The following IL6R variants were observed in gnomAD, a reference collection of about 807,000 sequenced individuals.
IL6R encodes the protein interleukin 6 receptor, also known as interleukin-6 receptor subunit alpha.
IL6R carries 38 observed loss-of-function variants against 48.3 expected under a neutral mutation model. The observed-to-expected ratio is 0.79, with a 90% CI of 0.61 to 1.03. The LOEUF (loss-of-function observed/expected upper bound fraction) is 1.03. IL6R is among the 50% of genes least tolerant of loss of function. The pLI, the probability that IL6R is intolerant of heterozygous loss-of-function variation, is 0.00. For synonymous variants in IL6R, 264 were observed against 256.2 expected, an observed-to-expected ratio of 1.03 and a Z score of -0.29; for missense variants, 534 against 618.3, an observed-to-expected ratio of 0.86 and a Z score of 1.45.
chr1:154,449,727 T>TG (rs1269175277), intron 7 of IL6R, among the ~76,000 whole-genome samples, 184 bp from the exon 8 acceptor site: 1 of 152,168 alleles, frequency 6.6e-6, no homozygotes, highest in African/African-American at 2.4e-5. Context: ...TTAGCAGGCA[T>TG]GGTGTGGATA....
intron 1 of IL6R, among the ~76,000 whole-genome samples, chr1:154,427,255 G>A (rs1689027872): frequency 6.6e-6 from 1 of 152,194 alleles, no homozygotes; most frequent in African/African-American, 2.4e-5. Flanking sequence ...TGTGTGCTGT[G>A]TCCTGGCCTT....
chr1:154,464,444 T>C (rs4291493), intron 9 of IL6R, among the ~76,000 whole-genome samples: 102,133 of 151,990 alleles, frequency 0.67, 35,800 homozygotes, highest in East Asian at 0.83. Flanking sequence ...CGTGAGCCAC[T>C]GCGCCCAGCC....
intron 6 of IL6R, among the ~76,000 whole-genome samples, chr1:154,446,670 T>TGAG (rs1690248122): frequency 6.6e-6 from 1 of 152,150 alleles, no homozygotes; most frequent in Non-Finnish European, 1.5e-5. Context: ...GAGGGAGCCG[T>TGAG]GAGGGTGCCT....
chr1:154,463,034 C>T (rs1042271907), intron 9 of IL6R, among the ~76,000 whole-genome samples: 3 of 151,672 alleles, frequency 2.0e-5, no homozygotes, highest in Admixed American at 6.6e-5. Context: ...GAACTCCTGA[C>T]CTCAAGTAAT....
chr1:154,449,863 T>C (rs1690482814), intron 7 of IL6R, 48 bp from the exon 8 acceptor site: 7 of 1,224,822 alleles, frequency 5.7e-6, no homozygotes, highest in Non-Finnish European at 8.5e-6. Context: ...TTCTGAATGA[T>C]GGTGCAATCT....
At chr1:154,444,908 CA>C in intron 6 of IL6R, 2 of 377,820 alleles carry the variant, frequency 5.3e-6, no homozygotes, top group Non-Finnish European at 1.1e-5. Flanking sequence ...GTCTTAACAA[CA>C]AAAAGACTCC....
At position 154,414,622 on chromosome 1, in the gene IL6R, T is replaced by A. The variant is rs182534437; in HGVS notation, c.85+8908T>A. 2.7e-3 allele frequency: 2,181 copies of A among 797,716 alleles called. 25 individuals carry two copies. The highest frequency in any genetic ancestry group is 0.015 in the South Asian group (1,079 of 70,188). 49.4% of individuals were successfully genotyped at this position (797,716 alleles called of 1,614,324 possible). On this transcript the variant is annotated intron_variant, in intron 1 of 9. Coordinates refer to ENST00000368485, the MANE Select transcript of IL6R (RefSeq NM_000565.4). ...CCCGGCCATCTCATCCCTGATAGTG[T>A]CAAGCAGGATGTCGATGAAGACGGT...
At chr1:154,433,310 T>C (rs1243262154) in intron 3 of IL6R, among the ~76,000 whole-genome samples, 2 of 152,164 alleles carry the variant, frequency 1.3e-5, no homozygotes, top group African/African-American at 4.8e-5. Flanking sequence ...CATGCCCACA[T>C]GTGTCATAAG....
chr1:154,426,153 C>G (rs1688952689), intron 1 of IL6R, among the ~76,000 whole-genome samples: 1 of 132,180 alleles, frequency 7.6e-6, no homozygotes, highest in Non-Finnish European at 1.7e-5. Flanking sequence ...GACTGAGACC[C>G]TGTATCAGAC....
rs137976773 is a variant in IL6R, at chr1:154,465,162, C to G, written c.1189C>G (p.Leu397Val). The change falls in exon 10 of 10, where the codon CTG becomes GTG. Residue 397 changes from leucine (L) to valine (V), a missense_variant. Transcript: ENST00000368485. ...RFKKTWKLRALKEGKTSMHPP... is the reference protein window; with the variant it reads ...RFKKTWKLRAVKEGKTSMHPP... ...CAAGAAGACGTGGAAGCTGCGGGCTCTGAAGGAAGGCAAGACAAGCATGCA... is the reference window on the plus strand; with the variant it reads ...CAAGAAGACGTGGAAGCTGCGGGCTGTGAAGGAAGGCAAGACAAGCATGCA... 1.7e-4 allele frequency: 277 copies of G among 1,614,056 alleles called. No individual in the cohort carries two copies. The highest frequency in any genetic ancestry group is 2.2e-4 in the Non-Finnish European group (261 of 1,180,048).
At chr1:154,420,736 A>G (rs753195631) in intron 1 of IL6R, among the ~76,000 whole-genome samples, 3 of 151,772 alleles carry the variant, frequency 2.0e-5, no homozygotes, top group Non-Finnish European at 2.9e-5. Flanking sequence ...GGGTTTCACC[A>G]TGTTGGCCAG....
At chr1:154,462,514 C>G (rs972464461) in intron 9 of IL6R, among the ~76,000 whole-genome samples, 3 of 151,972 alleles carry the variant, frequency 2.0e-5, no homozygotes, top group African/African-American at 7.2e-5. Flanking sequence ...GCTGGGATTA[C>G]AGGCGCCTGC....
chr1:154,425,757 G>A lies in IL6R; in HGVS notation c.86-3439G>A, dbSNP rs182857661. Among the ~76,000 whole-genome samples, 3 of 150,990 alleles carry A rather than the reference G, an allele frequency of 2.0e-5. No individual in the cohort carries two copies. In the East Asian group the frequency reaches 5.8e-4, roughly 29 times the overall value. ...CCACTGTACTTCAGCCTGAGTGACA[G>A]AGTGAGACCCTGTCCCAAGAAAAAG... On this transcript the variant is annotated intron_variant, in intron 1 of 9. Coordinates refer to ENST00000368485, the MANE Select transcript of IL6R (RefSeq NM_000565.4).
chr1:154,466,404 T>C lies in IL6R; in HGVS notation c.*1024T>C, dbSNP rs4072391. ...AAGAAAAATGAGCCTGGCAAGAATG[T>C]GTTTAAACTTGGTTTTTAAAAAACT... On this transcript the variant is annotated 3_prime_UTR_variant, in exon 10 of 10. Coordinates refer to ENST00000368485, the MANE Select transcript of IL6R (RefSeq NM_000565.4). 116,269 of 152,182 alleles carry C rather than the reference T, an allele frequency of 0.76. 44,763 individuals are homozygous for C. Among genetic ancestry groups the C allele is most frequent in the Admixed American group, 0.83 (12,655 of 15,282 alleles). The allele number at this position is 152,182 out of a possible 1,614,324, so 9.4% of individuals were successfully genotyped here. A position where few individuals can be genotyped will look rare whatever the true frequency, so the allele number is the denominator to read the frequency against.
intron 2 of IL6R, 129 bp from the exon 3 acceptor site, chr1:154,430,354 A>T: frequency 8.4e-7 from 1 of 1,187,866 alleles, no homozygotes. Context: ...CAGGGTCCTG[A>T]CTAGCTCCAG....
At chr1:154,464,462 CTTTTTT>C (rs536875860) in intron 9 of IL6R, among the ~76,000 whole-genome samples, 2 of 151,970 alleles carry the variant, frequency 1.3e-5, no homozygotes, top group African/African-American at 4.8e-5. Flanking sequence ...GCCTATTTTT[CTTTTTT>C]TTAAGTAAAT....
intron 1 of IL6R, among the ~76,000 whole-genome samples, chr1:154,421,538 C>T (rs1688663304): frequency 6.6e-6 from 1 of 152,200 alleles, no homozygotes; most frequent in Non-Finnish European, 1.5e-5. Flanking sequence ...GGTGCTCACA[C>T]CCTCCATGTT....
Position 154,429,359 on chromosome 1 carries a change from G to T in IL6R, c.249G>T (p.Leu83=). 1 of 1,614,138 alleles carries T rather than the reference G, an allele frequency of 6.2e-7. No homozygotes were observed. Among genetic ancestry groups the T allele is most frequent in the Non-Finnish European group, 8.5e-7 (1 of 1,180,024 alleles). Residue 83 remains leucine, a synonymous_variant, in exon 2 of 10, where the codon CTG becomes CTT. Transcript: ENST00000368485. ...CTGGCATGGGAAGGAGGCTGCTGCT[G>T]AGGTCGGTGCAGCTCCACGACTCTG... ...RWAGMGRRLL[L]RSVQLHDSGN... is the part of the protein sequence containing the mutation.
chr1:154,427,046 G>C (rs569666485), intron 1 of IL6R, among the ~76,000 whole-genome samples: 1 of 151,996 alleles, frequency 6.6e-6, no homozygotes, highest in Non-Finnish European at 1.5e-5. Flanking sequence ...AGCCTCCCAA[G>C]TAGCTGGGAT....
Sources: allele counts gnomAD v4.1 joint callset (sites outside exome capture counted in the v4.1 genomes callset), GRCh38; gene constraint gnomAD v4.1.1; transcripts MANE v1.5; gene names NCBI Gene and HGNC (gene_info 2026-07-23, HGNC 2026-07-21).